Variants in SAMD4A observed in about 807,000 individuals in gnomAD.
SAMD4A encodes the protein sterile alpha motif domain containing 4A.
Under a neutral mutation model 81.3 loss-of-function variants are expected in SAMD4A, and 33 were observed. The observed-to-expected ratio is 0.41, with a 90% CI of 0.31 to 0.54. The LOEUF (loss-of-function observed/expected upper bound fraction) is 0.54. Ranked by LOEUF, SAMD4A falls within the 20% of genes least tolerant of loss-of-function variation. SAMD4A has a pLI of 0.37. For synonymous variants in SAMD4A, 389 were observed against 382.1 expected, an observed-to-expected ratio of 1.02 and a Z score of -0.21; for missense variants, 854 against 951.1, an observed-to-expected ratio of 0.90 and a Z score of 1.34.
intron 12 of SAMD4A, among the ~76,000 whole-genome samples, chr14:54,785,386 C>T (rs763067387): frequency 6.6e-6 from 1 of 152,246 alleles, no homozygotes; most frequent in Non-Finnish European, 1.5e-5. Flanking sequence ...GGGCACCTTT[C>T]TCTGGGCCTG....
intron 2 of SAMD4A, among the ~76,000 whole-genome samples, chr14:54,578,019 A>G (rs1187585): frequency 1 from 152,154 of 152,324 alleles, 75,994 homozygotes; most frequent in Middle Eastern, 1. Flanking sequence ...CTTTAGCATC[A>G]AGCAGAATAA....
At chr14:54,710,647 G>A (rs896944421) in intron 3 of SAMD4A, among the ~76,000 whole-genome samples, 15 of 152,028 alleles carry the variant, frequency 9.9e-5, no homozygotes, top group Non-Finnish European at 1.6e-4. Flanking sequence ...TCCAGCTTCC[G>A]TGGTCTCCAC....
intron 2 of SAMD4A, among the ~76,000 whole-genome samples, chr14:54,617,492 G>T (rs1033247202): frequency 6.6e-6 from 1 of 151,852 alleles, no homozygotes; most frequent in South Asian, 2.1e-4. Context: ...AGAGAAAAGT[G>T]GGGGAGCAAG....
At chr14:54,599,745 T>A (rs1243926361) in intron 2 of SAMD4A, among the ~76,000 whole-genome samples, 1 of 152,228 alleles carries the variant, frequency 6.6e-6, no homozygotes. Flanking sequence ...AACTAAAATG[T>A]TACACGGATA....
At chr14:54,767,581 T>C (rs549828215) in intron 8 of SAMD4A, among the ~76,000 whole-genome samples, 13 of 152,330 alleles carry the variant, frequency 8.5e-5, no homozygotes, top group African/African-American at 2.4e-4. Flanking sequence ...GCCATCTTCC[T>C]CCAGACAGAT....
intron 2 of SAMD4A, among the ~76,000 whole-genome samples, chr14:54,654,104 T>C (rs2035467166): frequency 6.6e-6 from 1 of 152,204 alleles, no homozygotes; most frequent in African/African-American, 2.4e-5. Context: ...TATGTTTTGC[T>C]CCAAGTCGTT....
At chr14:54,642,674 C>G (rs969372761) in intron 2 of SAMD4A, among the ~76,000 whole-genome samples, 2 of 152,098 alleles carry the variant, frequency 1.3e-5, no homozygotes, top group African/African-American at 4.8e-5. Flanking sequence ...AATGAAAGAT[C>G]CCGTTGAGTG....
At chr14:54,603,822 A>G (rs1044227538) in intron 2 of SAMD4A, among the ~76,000 whole-genome samples, 28 of 147,434 alleles carry the variant, frequency 1.9e-4, no homozygotes, top group African/African-American at 3.2e-4. Context: ...TTATTTGTTT[A>G]TTTGTTTATT....
At chr14:54,742,630 A>T (rs1229982456) in intron 4 of SAMD4A, among the ~76,000 whole-genome samples, 1 of 152,170 alleles carries the variant, frequency 6.6e-6, no homozygotes, top group Non-Finnish European at 1.5e-5. Flanking sequence ...TGCCTGTGTG[A>T]AGAGGGGTAG....
intron 3 of SAMD4A, among the ~76,000 whole-genome samples, chr14:54,730,886 G>T (rs2037544208): frequency 6.6e-6 from 1 of 152,180 alleles, no homozygotes; most frequent in African/African-American, 2.4e-5. Context: ...ATTACTGGTT[G>T]TGACACCACA....
At chr14:54,703,489 T>A (rs986596234) in intron 3 of SAMD4A, 1 of 152,178 alleles carries the variant, frequency 6.6e-6, no homozygotes, top group Non-Finnish European at 1.5e-5. Flanking sequence ...AGTGCCAAGA[T>A]AACTTTCTTG....
chr14:54,704,303 A>G (rs1253916687), intron 3 of SAMD4A, among the ~76,000 whole-genome samples: 2 of 152,246 alleles, frequency 1.3e-5, no homozygotes, highest in Non-Finnish European at 2.9e-5. Flanking sequence ...AACAGAATCT[A>G]GTAATTGTTA....
chr14:54,766,015 C>A (rs2038531042), intron 8 of SAMD4A, among the ~76,000 whole-genome samples: 2 of 152,158 alleles, frequency 1.3e-5, no homozygotes, highest in African/African-American at 4.8e-5. Flanking sequence ...AGGTTGGGGG[C>A]TCAGACACGC....
At chr14:54,638,627 T>C (rs2035093804) in intron 2 of SAMD4A, among the ~76,000 whole-genome samples, 1 of 152,228 alleles carries the variant, frequency 6.6e-6, no homozygotes, top group South Asian at 2.1e-4. Context: ...AAGATTTGTC[T>C]ATAAGTAAAA....
intron 2 of SAMD4A, among the ~76,000 whole-genome samples, chr14:54,657,364 C>T (rs1351020497): frequency 2.0e-5 from 3 of 152,192 alleles, no homozygotes; most frequent in African/African-American, 7.2e-5. Flanking sequence ...GCCTTCCCAT[C>T]TCTTCAAGGA....
chr14:54,731,940 G>C (rs141278841), intron 3 of SAMD4A, among the ~76,000 whole-genome samples: 385 of 152,292 alleles, frequency 2.5e-3, no homozygotes, highest in Non-Finnish European at 4.3e-3. Flanking sequence ...TGCTAAGCCT[G>C]GAAATAGTTC....
intron 2 of SAMD4A, among the ~76,000 whole-genome samples, chr14:54,607,732 G>A (rs1359791993): frequency 6.6e-6 from 1 of 152,100 alleles, no homozygotes; most frequent in African/African-American, 2.4e-5. Context: ...GGGATTACAG[G>A]CGTGAGCCAC....
intron 2 of SAMD4A, among the ~76,000 whole-genome samples, chr14:54,655,588 AT>A (rs1309319390): frequency 6.8e-6 from 1 of 146,788 alleles, no homozygotes; most frequent in African/African-American, 2.5e-5. Context: ...AAAAAAAAAA[AT>A]TAGCCGGGCA....
At chr14:54,758,791 C>G (rs187204851) in intron 6 of SAMD4A, among the ~76,000 whole-genome samples, 4 of 152,184 alleles carry the variant, frequency 2.6e-5, no homozygotes, top group Admixed American at 2.6e-4. Context: ...GATCATGCCA[C>G]TGCACTCTGG....
Sources: gnomAD v4.1 joint callset for allele counts (sites outside exome capture counted in the v4.1 genomes callset) on GRCh38, gnomAD v4.1.1 for gene constraint, MANE v1.5 for transcripts, NCBI Gene and HGNC (gene_info 2026-07-23, HGNC 2026-07-21) for gene names.